The following NAA25 variants were observed in gnomAD, a reference collection of about 807,000 sequenced individuals.
NAA25 encodes the protein N-terminal acetyltransferase B complex subunit NAA25.
Under a neutral mutation model 132.5 loss-of-function variants are expected in NAA25, and 30 were observed. The observed-to-expected ratio is 0.23, with a 90% CI of 0.17 to 0.31. The LOEUF (loss-of-function observed/expected upper bound fraction) is 0.31. NAA25 is among the 10% of genes least tolerant of loss of function. The pLI, the probability that NAA25 is intolerant of heterozygous loss-of-function variation, is 1.00. For missense variants in NAA25, 771 were observed against 1,150.4 expected, an observed-to-expected ratio of 0.67 and a Z score of 4.77; for synonymous variants, 359 against 401.9, an observed-to-expected ratio of 0.89 and a Z score of 1.28.
At chr12:112,034,936 T>C (rs2136800262) in intron 22 of NAA25, 1 of 152,206 alleles carries the variant, frequency 6.6e-6, no homozygotes. Flanking sequence ...ATCAATATAA[T>C]TATAGCATAT....
Position 112,090,877 on chromosome 12 carries a change from A to G in NAA25, c.145-13T>C. On this transcript the variant is annotated splice_polypyrimidine_tract_variant and intron_variant, in intron 2 of 23. Coordinates refer to ENST00000261745, the MANE Select transcript of NAA25 (RefSeq NM_024953.4). ...TTGCCTTTAAAACCTGATAGCAACA[A>G]AAGAAAAATCAGTTTTTAAAAAGAC... The G allele has an allele frequency of 6.3e-7, 1 of 1,583,262 alleles. No individual in the cohort carries two copies. Among genetic ancestry groups the G allele is most frequent in the South Asian group, 1.2e-5 (1 of 85,662 alleles).
chr12:112,031,763 G>A (rs1389218204), intron 23 of NAA25, among the ~76,000 whole-genome samples: 5 of 151,440 alleles, frequency 3.3e-5, no homozygotes, highest in East Asian at 2.0e-4. Flanking sequence ...GTCACACTGC[G>A]CCACAGAATT....
At chr12:112,050,787 T>A (rs886404798) in intron 15 of NAA25, among the ~76,000 whole-genome samples, 2 of 152,232 alleles carry the variant, frequency 1.3e-5, no homozygotes, top group African/African-American at 2.4e-5. Context: ...TTCATATTTT[T>A]AAAAATCTAT....
chr12:112,107,202 G>A (rs2079374979), intron 1 of NAA25, among the ~76,000 whole-genome samples: 1 of 152,110 alleles, frequency 6.6e-6, no homozygotes, highest in Non-Finnish European at 1.5e-5. Context: ...AGAGGGTGCA[G>A]TGAACTGAGA....
chr12:112,069,494 C>T (rs1171127500), intron 10 of NAA25, among the ~76,000 whole-genome samples: 1 of 152,054 alleles, frequency 6.6e-6, no homozygotes, highest in Non-Finnish European at 1.5e-5. Flanking sequence ...CAGAGCAAGA[C>T]TCCATTCAAA....
chr12:112,067,387 A>C (rs1378228575), intron 11 of NAA25, among the ~76,000 whole-genome samples: 2 of 152,186 alleles, frequency 1.3e-5, no homozygotes, highest in African/African-American at 4.8e-5. Context: ...ATCTCTGCAA[A>C]CTCAACAGTA....
intron 4 of NAA25, among the ~76,000 whole-genome samples, chr12:112,086,073 T>TATACACACAC (rs759148501): frequency 1.5e-4 from 8 of 53,958 alleles, no homozygotes; most frequent in Admixed American, 3.0e-4. Flanking sequence ...TATATATATA[T>TATACACACAC]ACACACACAC....
At chr12:112,048,054 A>G (rs1006545902) in intron 16 of NAA25, among the ~76,000 whole-genome samples, 2 of 152,182 alleles carry the variant, frequency 1.3e-5, no homozygotes, top group African/African-American at 4.8e-5. Context: ...CGTAAGCACA[A>G]TATGGACCAG....
chr12:112,037,648 A>G (rs1324338523), intron 22 of NAA25: 2 of 135,878 alleles, frequency 1.5e-5, no homozygotes, highest in Non-Finnish European at 3.3e-5. Flanking sequence ...ATGGGACACA[A>G]CAACATTAAT....
chr12:112,048,526 C>A, intron 15 of NAA25, 83 bp from the exon 16 acceptor site: 1 of 1,165,778 alleles, frequency 8.6e-7, no homozygotes. Flanking sequence ...AAACAAAACA[C>A]TCAAACTAAA....
chr12:112,059,103 A>C (rs1303701241), intron 13 of NAA25, among the ~76,000 whole-genome samples: 6 of 90,228 alleles, frequency 6.6e-5, no homozygotes, highest in East Asian at 4.1e-3. Context: ...AAAAAAAAAA[A>C]AAAAAAAAAA....
intron 7 of NAA25, among the ~76,000 whole-genome samples, chr12:112,077,367 C>T (rs1303090858): frequency 6.6e-6 from 1 of 150,910 alleles, no homozygotes; most frequent in African/African-American, 2.4e-5. Context: ...CAGCTACTCA[C>T]GAGGCTGAGG....
At chr12:112,081,848 A>ACTAT (rs1353914779) in intron 4 of NAA25, among the ~76,000 whole-genome samples, 1 of 152,220 alleles carries the variant, frequency 6.6e-6, no homozygotes, top group Non-Finnish European at 1.5e-5. Flanking sequence ...AGTAGAAGAA[A>ACTAT]CTATCTATTC....
intron 11 of NAA25, among the ~76,000 whole-genome samples, chr12:112,061,616 G>A (rs1236599601): frequency 2.6e-5 from 4 of 151,944 alleles, no homozygotes; most frequent in African/African-American, 9.7e-5. Flanking sequence ...ATTCATTACT[G>A]GCCAAAAGTA....
chr12:112,035,334 C>CT (rs954151962), intron 22 of NAA25: 15 of 149,408 alleles, frequency 1.0e-4, no homozygotes, highest in South Asian at 2.1e-4. Flanking sequence ...CTTTGCCCTC[C>CT]TTTTTTTTTT....
At chr12:112,107,077 T>C in intron 1 of NAA25, among the ~76,000 whole-genome samples, 1 of 148,630 alleles carries the variant, frequency 6.7e-6, no homozygotes, top group Admixed American at 6.8e-5. Context: ...CTGGCTAACA[T>C]GGTAAACTCC....
chr12:112,089,994 G>C (rs2079108696), intron 3 of NAA25, among the ~76,000 whole-genome samples: 1 of 147,612 alleles, frequency 6.8e-6, no homozygotes. Context: ...ACCACACCCA[G>C]TTAATTTTTG....
chr12:112,060,177 T>G, intron 13 of NAA25, 93 bp downstream of exon 13: 2 of 846,764 alleles, frequency 2.4e-6, no homozygotes, highest in Admixed American at 2.3e-5. Flanking sequence ...TAAATAAAAT[T>G]TGTGGATTGT....
rs978575299 is a variant in NAA25, at chr12:112,077,381, G to A, written c.664+807C>T. 2.6e-5 allele frequency among the ~76,000 whole-genome samples: 4 copies of A among 151,666 alleles called. No homozygotes were observed. In the East Asian group the frequency reaches 5.8e-4, roughly 22 times the overall value. The stretch of plus-strand genomic sequence containing the variant: ...CCAGCTACTCACGAGGCTGAGGCAG[G>A]AGAATCACTTGAACCCAGGAGGCAG... On this transcript the variant is annotated intron_variant, in intron 7 of 23. Coordinates refer to ENST00000261745, the MANE Select transcript of NAA25 (RefSeq NM_024953.4).
Sources: gnomAD v4.1 joint callset for allele counts (sites outside exome capture counted in the v4.1 genomes callset) on GRCh38, gnomAD v4.1.1 for gene constraint, MANE v1.5 for transcripts, NCBI Gene and HGNC (gene_info 2026-07-23, HGNC 2026-07-21) for gene names.